NRG1: variants seen among roughly 807,000 people sequenced by gnomAD.
NRG1 encodes pro-neuregulin-1, membrane-bound isoform.
In NRG1, 18 loss-of-function variants were observed where a neutral mutation model predicts 63.8. The observed-to-expected ratio is 0.28, with a 90% confidence interval of 0.19 to 0.42. The LOEUF (loss-of-function observed/expected upper bound fraction) is 0.42. Ranked by LOEUF, NRG1 falls within the 10% of genes least tolerant of loss-of-function variation. The probability of loss-of-function intolerance (pLI) is 1.00; values close to 1 mark genes in which losing one functional copy is unlikely to be tolerated. For missense variants in NRG1, 762 were observed against 814.7 expected (o/e 0.94, Z 0.79); for synonymous variants, 302 against 301.3 (o/e 1.00, Z -0.02).
intron 1 of NRG1, among the ~76,000 whole-genome samples, chr8:31,712,318 T>A (rs1282885811): frequency 7.3e-6 from 1 of 137,178 alleles, no homozygotes; most frequent in African/African-American, 2.8e-5. Flanking sequence ...CAGGCTGGAG[T>A]ACAGTGGTGC....
At chr8:32,187,646 C>T (rs1278882165) in intron 1 of NRG1, among the ~76,000 whole-genome samples, 2 of 151,812 alleles carry the variant, frequency 1.3e-5, no homozygotes, top group Non-Finnish European at 2.9e-5. Context: ...AAGTCACTGC[C>T]GAATAAGTCA....
intron 1 of NRG1, among the ~76,000 whole-genome samples, chr8:31,787,215 C>A (rs1319053763): frequency 1.3e-5 from 2 of 152,100 alleles, no homozygotes; most frequent in Admixed American, 6.5e-5. Flanking sequence ...TTTTTTATAC[C>A]AGCAAAGCAG....
chr8:31,837,433 T>A (rs1048491864), intron 1 of NRG1, among the ~76,000 whole-genome samples: 32 of 152,200 alleles, frequency 2.1e-4, no homozygotes, highest in African/African-American at 6.5e-4. Flanking sequence ...TCCTAATACA[T>A]GTACATATTG....
chr8:31,687,568 A>G (rs763597629), intron 1 of NRG1, among the ~76,000 whole-genome samples: 1 of 152,162 alleles, frequency 6.6e-6, no homozygotes, highest in Non-Finnish European at 1.5e-5. Context: ...TGCACTTACC[A>G]TGGTAGAGTA....
In NRG1 at chr8:32,095,961, C is replaced by G. The variant is rs192331637; in HGVS notation, c.37+456530C>G. On this transcript the variant is annotated intron_variant, in intron 1 of 10. Transcript: ENST00000519301. ...ATGTAGTTTGAATCTCCAGAAAAGG[C>G]CTCTCTGAGAAGGAGACTTTGAGCT... 9.8e-4 allele frequency among the ~76,000 whole-genome samples: 149 copies of G among 152,228 alleles called. 2 individuals are homozygous for G. Among genetic ancestry groups the G allele is most frequent in the Admixed American group, 2.7e-3 (41 of 15,298 alleles).
chr8:31,889,814 A>G (rs1260449049), intron 1 of NRG1, among the ~76,000 whole-genome samples: 1 of 152,186 alleles, frequency 6.6e-6, no homozygotes, highest in Non-Finnish European at 1.5e-5. Context: ...TGGGAGTTGG[A>G]GAGGGACTTA....
chr8:32,298,733 AAAG>A (rs1855212252), intron 1 of NRG1, among the ~76,000 whole-genome samples: 1 of 98,046 alleles, frequency 1.0e-5, no homozygotes, highest in African/African-American at 4.9e-5. Flanking sequence ...AAAAAAAAGA[AAAG>A]AAAAGAAAAA....
At chr8:32,044,930 A>AAAC (rs1554610208) in intron 1 of NRG1, among the ~76,000 whole-genome samples, 128 of 137,108 alleles carry the variant, frequency 9.3e-4, no homozygotes, top group African/African-American at 3.3e-3. Flanking sequence ...AAAAAAAAAA[A>AAAC]ACACACACAC....
intron 5 of NRG1, among the ~76,000 whole-genome samples, chr8:32,629,889 AT>A (rs2129543912): frequency 6.6e-6 from 1 of 152,238 alleles, no homozygotes; most frequent in East Asian, 1.9e-4. Context: ...AATAACATGG[AT>A]TTTTCATTTA....
chr8:32,163,066 T>C (rs960741261), intron 1 of NRG1, among the ~76,000 whole-genome samples: 6 of 152,142 alleles, frequency 3.9e-5, no homozygotes, highest in Admixed American at 3.3e-4. Flanking sequence ...TAAAAGAAAA[T>C]TAAATGTAGA....
intron 1 of NRG1, among the ~76,000 whole-genome samples, chr8:32,059,214 A>G (rs989735): frequency 0.59 from 88,833 of 151,680 alleles, 28,279 homozygotes; most frequent in Non-Finnish European, 0.71. Context: ...ATTTTCCTGC[A>G]TCATATCTTC....
At chr8:31,858,800 C>T (rs375149631) in intron 1 of NRG1, among the ~76,000 whole-genome samples, 2 of 152,180 alleles carry the variant, frequency 1.3e-5, no homozygotes, top group African/African-American at 4.8e-5. Flanking sequence ...CAACGCCCGA[C>T]TGCATGTTGC....
chr8:31,650,914 G>C (rs1342054149), intron 1 of NRG1, among the ~76,000 whole-genome samples: 1 of 152,064 alleles, frequency 6.6e-6, no homozygotes, highest in East Asian at 1.9e-4. Context: ...TCACTCATTT[G>C]GGTCTCAGTT....
chr8:32,618,744 A>T (rs1460973171), intron 5 of NRG1, among the ~76,000 whole-genome samples: 1 of 152,202 alleles, frequency 6.6e-6, no homozygotes, highest in Non-Finnish European at 1.5e-5. Flanking sequence ...ATAAACTAGT[A>T]ACACGATATA....
At chr8:32,489,071 C>A (rs1826234068) in intron 1 of NRG1, among the ~76,000 whole-genome samples, 1 of 152,144 alleles carries the variant, frequency 6.6e-6, no homozygotes, top group African/African-American at 2.4e-5. Context: ...GGAGGTCAAG[C>A]ACAGGGATTT....
At chr8:31,928,119 C>G (rs1436657857) in intron 1 of NRG1, among the ~76,000 whole-genome samples, 1 of 150,674 alleles carries the variant, frequency 6.6e-6, no homozygotes, top group Non-Finnish European at 1.5e-5. Context: ...GTAGAGTTAG[C>G]AGGATATGGT....
chr8:31,746,960 A>G (rs949096217), intron 1 of NRG1, among the ~76,000 whole-genome samples: 2 of 151,970 alleles, frequency 1.3e-5, no homozygotes, highest in African/African-American at 4.8e-5. Context: ...TAAAATCAAA[A>G]CAATTGAACT....
At chr8:31,734,662 A>G (rs1421722492) in intron 1 of NRG1, among the ~76,000 whole-genome samples, 1 of 152,188 alleles carries the variant, frequency 6.6e-6, no homozygotes, top group African/African-American at 2.4e-5. Flanking sequence ...ATTACGTATT[A>G]AACATTATAT....
chr8:32,504,593 A>T (rs1280226027), intron 1 of NRG1, among the ~76,000 whole-genome samples: 1 of 152,152 alleles, frequency 6.6e-6, no homozygotes, highest in Non-Finnish European at 1.5e-5. Context: ...AGATTTATTT[A>T]TTTTAAAATT....
Sources: gnomAD v4.1 joint callset for allele counts (sites outside exome capture counted in the v4.1 genomes callset) on GRCh38, gnomAD v4.1.1 for gene constraint, MANE v1.5 for transcripts, NCBI Gene and HGNC (gene_info 2026-07-23, HGNC 2026-07-21) for gene names.